The following RGS6 variants were observed in gnomAD, a reference collection of about 807,000 sequenced individuals.
The protein encoded by RGS6 is regulator of G-protein signaling 6.
In RGS6, 30 loss-of-function variants were observed where a neutral mutation model predicts 78.5. The ratio of observed to expected loss-of-function variants is 0.38; its 90% CI spans 0.29 to 0.52. The LOEUF (loss-of-function observed/expected upper bound fraction) is 0.52. Among genes scored for constraint, RGS6 ranks in the 20% least tolerant of loss-of-function variants. RGS6 has a pLI of 0.85. For synonymous variants in RGS6, 206 were observed against 206.0 expected, an observed-to-expected ratio of 1.00 and a Z score of 0.00; for missense variants, 495 against 609.7, an observed-to-expected ratio of 0.81 and a Z score of 1.98.
In RGS6 at chr14:72,316,896, AGTGTGT is replaced by A. The variant is rs71109731; in HGVS notation, c.85-35164_85-35159del. Among the ~76,000 whole-genome samples, 648 of 141,922 alleles carry A rather than the reference AGTGTGT, an allele frequency of 4.6e-3. 1 individual carries two copies. The highest frequency in any genetic ancestry group is 8.4e-3 in the African/African-American group (315 of 37,690). The allele number at this position is 141,922 out of a possible 152,430, so 93.1% of individuals were successfully genotyped here. A position where few individuals can be genotyped will look rare whatever the true frequency, so the allele number is the denominator to read the frequency against. ...GGTATAGAGAATTGAAAGCAGGTGAAGTGTGTGTGTGTGTGTGTGTGTGTGTGTGTG... is the reference window on the plus strand; with the variant it reads ...GGTATAGAGAATTGAAAGCAGGTGAAGTGTGTGTGTGTGTGTGTGTGTGTG... On this transcript the variant is annotated intron_variant, in intron 2 of 17. Transcript: ENST00000553525.
chr14:72,122,224 G>C (rs1423371772), intron 2 of RGS6, among the ~76,000 whole-genome samples: 2 of 152,136 alleles, frequency 1.3e-5, no homozygotes, highest in Non-Finnish European at 2.9e-5. Context: ...GCTCTGAGAT[G>C]AGGTGTATCT....
At chr14:72,128,037 G>C (rs1282257097) in intron 2 of RGS6, among the ~76,000 whole-genome samples, 1 of 152,116 alleles carries the variant, frequency 6.6e-6, no homozygotes, top group Non-Finnish European at 1.5e-5. Flanking sequence ...CTGTGGTATG[G>C]ATAGACCACA....
At chr14:72,492,147 A>G (rs977406574) in intron 12 of RGS6, among the ~76,000 whole-genome samples, 11 of 152,242 alleles carry the variant, frequency 7.2e-5, no homozygotes, top group Non-Finnish European at 4.4e-5. Context: ...CACTGCTATA[A>G]CAAAAGAGGT....
At chr14:72,229,154 A>G (rs1479855764) in intron 2 of RGS6, among the ~76,000 whole-genome samples, 1 of 152,228 alleles carries the variant, frequency 6.6e-6, no homozygotes, top group African/African-American at 2.4e-5. Context: ...GCAAATCTAT[A>G]GTAAAATAAA....
chr14:72,100,512 TA>T (rs1161874519), intron 2 of RGS6, among the ~76,000 whole-genome samples: 2 of 151,636 alleles, frequency 1.3e-5, no homozygotes, highest in African/African-American at 4.8e-5. Flanking sequence ...CAAAAAAAGG[TA>T]GAAAGAAAGA....
intron 17 of RGS6, chr14:72,550,688 G>A (rs2097492931): frequency 1.2e-5 from 18 of 1,447,924 alleles, no homozygotes; most frequent in Non-Finnish European, 1.5e-5. Flanking sequence ...TAGCCTTTGT[G>A]AGTCATCACA....
chr14:72,124,849 C>G (rs1322085220), intron 2 of RGS6, among the ~76,000 whole-genome samples: 2 of 152,162 alleles, frequency 1.3e-5, no homozygotes, highest in Non-Finnish European at 2.9e-5. Flanking sequence ...CTGAAGCTCC[C>G]TCCATAACTC....
chr14:72,415,581 A>C (rs1281503933), intron 3 of RGS6, among the ~76,000 whole-genome samples: 1 of 152,166 alleles, frequency 6.6e-6, no homozygotes, highest in African/African-American at 2.4e-5. Flanking sequence ...AGTGAGATGA[A>C]CCCGGTACCT....
At chr14:72,103,298 C>A (rs564488893) in intron 2 of RGS6, among the ~76,000 whole-genome samples, 149 of 152,298 alleles carry the variant, frequency 9.8e-4, no homozygotes, top group African/African-American at 3.2e-3. Flanking sequence ...CTGGCATGCA[C>A]TGTATTTAAG....
intron 3 of RGS6, among the ~76,000 whole-genome samples, chr14:72,387,343 A>T (rs2088462073): frequency 6.6e-6 from 1 of 152,036 alleles, no homozygotes; most frequent in African/African-American, 2.4e-5. Context: ...AGGTCAGGAG[A>T]TGGAGACCAT....
At chr14:71,919,093 A>C in the RGS6 span, among the ~76,000 whole-genome samples, 1 of 152,122 alleles carries the variant, frequency 6.6e-6, no homozygotes, top group African/African-American at 2.4e-5. Flanking sequence ...CTTTGTGCTC[A>C]TGTGCCCACA....
chr14:71,912,888 T>C, the RGS6 span, among the ~76,000 whole-genome samples: 7 of 152,204 alleles, frequency 4.6e-5, no homozygotes, highest in East Asian at 1.4e-3. Context: ...TGCAGAGGCA[T>C]GATCTCGGCT....
intron 2 of RGS6, among the ~76,000 whole-genome samples, chr14:72,294,268 T>C (rs1028723573): frequency 3.3e-5 from 5 of 152,222 alleles, no homozygotes; most frequent in South Asian, 4.1e-4. Context: ...ATGGCTGTTA[T>C]TGAAATGACT....
At chr14:72,032,881 G>A (rs1484399780) in intron 2 of RGS6, among the ~76,000 whole-genome samples, 6 of 151,902 alleles carry the variant, frequency 3.9e-5, no homozygotes, top group Non-Finnish European at 5.9e-5. Context: ...TTACTTCTAC[G>A]AACTTGGCTA....
intron 2 of RGS6, among the ~76,000 whole-genome samples, chr14:72,128,521 A>G (rs2096249667): frequency 6.6e-6 from 1 of 152,086 alleles, no homozygotes; most frequent in African/African-American, 2.4e-5. Flanking sequence ...GAACCTGGAA[A>G]TGTGATAGCA....
At chr14:72,416,784 C>A (rs1212836454) in intron 3 of RGS6, among the ~76,000 whole-genome samples, 2 of 152,208 alleles carry the variant, frequency 1.3e-5, no homozygotes, top group East Asian at 3.8e-4. Flanking sequence ...TGAGCATTGA[C>A]AACAGACTGC....
intron 3 of RGS6, among the ~76,000 whole-genome samples, chr14:72,362,464 A>T (rs917822367): frequency 6.6e-6 from 1 of 152,244 alleles, no homozygotes; most frequent in African/African-American, 2.4e-5. Context: ...GGTCTCAGCC[A>T]TGAGGCCATA....
intron 1 of RGS6, among the ~76,000 whole-genome samples, chr14:71,934,910 A>G (rs1172376059): frequency 6.6e-6 from 1 of 151,854 alleles, no homozygotes; most frequent in Non-Finnish European, 1.5e-5. Context: ...AGGGGATGGA[A>G]TAAGGAGCTG....
chr14:72,073,688 C>T (rs576526728), intron 2 of RGS6, among the ~76,000 whole-genome samples: 2 of 152,240 alleles, frequency 1.3e-5, no homozygotes, highest in African/African-American at 4.8e-5. Flanking sequence ...TGAGAACATG[C>T]AACCTCCACA....
Sources: gnomAD v4.1 joint callset for allele counts (sites outside exome capture counted in the v4.1 genomes callset) on GRCh38, gnomAD v4.1.1 for gene constraint, MANE v1.5 for transcripts, NCBI Gene and HGNC (gene_info 2026-07-23, HGNC 2026-07-21) for gene names.